The following DGKI variants were observed in gnomAD, a reference collection of about 807,000 sequenced individuals.
The protein encoded by DGKI is DAG kinase iota.
A neutral mutation model predicts 147.5 loss-of-function variants in DGKI; 55 were observed. That is an observed-to-expected ratio of 0.37 (90% CI 0.30 to 0.47). DGKI has a LOEUF of 0.47. Among genes scored for constraint, DGKI ranks in the 20% least tolerant of loss-of-function variants. The pLI, the probability that DGKI is intolerant of heterozygous loss-of-function variation, is 1.00. For synonymous variants in DGKI, 469 were observed against 477.1 expected, an observed-to-expected ratio of 0.98 and a Z score of 0.22; for missense variants, 1,007 against 1,323.8, an observed-to-expected ratio of 0.76 and a Z score of 3.71.
chr7:137,570,575 G>A (rs139512028), intron 19 of DGKI, among the ~76,000 whole-genome samples: 4 of 151,540 alleles, frequency 2.6e-5, no homozygotes, highest in African/African-American at 9.7e-5. Context: ...GCCAATGCTG[G>A]GATGTTTCTA....
intron 1 of DGKI, among the ~76,000 whole-genome samples, chr7:137,726,165 T>A (rs1411981618): frequency 6.6e-6 from 1 of 152,138 alleles, no homozygotes; most frequent in Non-Finnish European, 1.5e-5. Context: ...GGTCCTTTTC[T>A]CACTTCAGTT....
chr7:137,569,835 AT>A (rs1447573693), intron 19 of DGKI, among the ~76,000 whole-genome samples: 1 of 144,708 alleles, frequency 6.9e-6, no homozygotes, highest in Non-Finnish European at 1.5e-5. Context: ...TTGTATCTTC[AT>A]TTGCAATAAA....
chr7:137,729,928 T>G (rs1375509067), intron 1 of DGKI, among the ~76,000 whole-genome samples: 1 of 152,162 alleles, frequency 6.6e-6, no homozygotes, highest in African/African-American at 2.4e-5. Context: ...TCAAACGTAG[T>G]GGTTTCTACC....
Position 137,424,461 on chromosome 7 carries a change from G to A in DGKI, c.2762-12254C>T, listed in dbSNP as rs112132184. On this transcript the variant is annotated intron_variant, in intron 28 of 32. Transcript: ENST00000614521. ...GTCTACAGCTCCCAGCGTGAGTGAC[G>A]CAGAAGACGGGTGATTTCTGCATTT... Among the ~76,000 whole-genome samples, 354 of 152,282 alleles carry A rather than the reference G, an allele frequency of 2.3e-3. 1 individual carries two copies. The highest frequency in any genetic ancestry group is 3.9e-3 in the African/African-American group (163 of 41,568).
At chr7:137,594,903 G>T (rs564857326) in intron 12 of DGKI, among the ~76,000 whole-genome samples, 1 of 152,264 alleles carries the variant, frequency 6.6e-6, no homozygotes, top group East Asian at 1.9e-4. Context: ...GCAAAGTTTT[G>T]ATTCTAAGTA....
intron 23 of DGKI, among the ~76,000 whole-genome samples, chr7:137,475,013 C>A: frequency 6.6e-6 from 1 of 152,144 alleles, no homozygotes; most frequent in East Asian, 1.9e-4. Flanking sequence ...TGTTTATGTG[C>A]AGATATAATT....
At chr7:137,703,614 T>C (rs1793894188) in intron 1 of DGKI, among the ~76,000 whole-genome samples, 1 of 152,152 alleles carries the variant, frequency 6.6e-6, no homozygotes, top group South Asian at 2.1e-4. Context: ...TGTCCAATAA[T>C]TAGATCATTA....
chr7:137,724,009 A>C (rs907643727), intron 1 of DGKI, among the ~76,000 whole-genome samples: 1 of 152,078 alleles, frequency 6.6e-6, no homozygotes, highest in Non-Finnish European at 1.5e-5. Context: ...CACCTGGCCC[A>C]TGATTTCCTT....
At chr7:137,648,186 G>A (rs955696024) in intron 5 of DGKI, among the ~76,000 whole-genome samples, 11 of 152,172 alleles carry the variant, frequency 7.2e-5, no homozygotes, top group Non-Finnish European at 1.6e-4. Context: ...AGCAGAAGCC[G>A]AGGGAAAAGG....
At chr7:137,411,911 T>A (rs867427090) in intron 29 of DGKI, among the ~76,000 whole-genome samples, 1 of 152,188 alleles carries the variant, frequency 6.6e-6, no homozygotes, top group Non-Finnish European at 1.5e-5. Context: ...TCTTCAAATG[T>A]CAGCTTCTAG....
chr7:137,613,780 G>A (rs531503942), intron 8 of DGKI, among the ~76,000 whole-genome samples: 1 of 152,224 alleles, frequency 6.6e-6, no homozygotes, highest in South Asian at 2.1e-4. Context: ...AATGAGTTAA[G>A]TCTACATATA....
intron 2 of DGKI, among the ~76,000 whole-genome samples, chr7:137,681,652 C>A (rs1823239343): frequency 6.6e-6 from 1 of 152,214 alleles, no homozygotes; most frequent in Non-Finnish European, 1.5e-5. Flanking sequence ...GAACTAGATG[C>A]ATAATAACAG....
chr7:137,786,207 G>C (rs757699679), intron 1 of DGKI, among the ~76,000 whole-genome samples: 10 of 152,012 alleles, frequency 6.6e-5, no homozygotes, highest in South Asian at 2.1e-4. Flanking sequence ...TGATATCATT[G>C]TATACCTAGA....
At chr7:137,675,925 C>A (rs1029695330) in intron 3 of DGKI, among the ~76,000 whole-genome samples, 1 of 152,158 alleles carries the variant, frequency 6.6e-6, no homozygotes, top group Non-Finnish European at 1.5e-5. Context: ...TGGAAGACAT[C>A]TCTCTGCCTT....
Position 137,567,338 on chromosome 7 carries a change from A to G in DGKI, c.1947+3837T>C, listed in dbSNP as rs759707335. ...TGTTTCCTACATCCAGACATTGACC[A>G]TCAATATCTGCCAACATTAAAAAAG... On this transcript the variant is annotated intron_variant, in intron 19 of 32. Coordinates refer to ENST00000614521, the MANE Select transcript of DGKI (RefSeq NM_001321708.2). Among the ~76,000 whole-genome samples, 86 of 152,254 alleles carry G rather than the reference A, an allele frequency of 5.6e-4. 1 individual carries two copies. In the Middle Eastern group the frequency reaches 0.01, roughly 18 times the overall value.
At chr7:137,605,948 TAGA>T (rs1409403695) in intron 10 of DGKI, among the ~76,000 whole-genome samples, 14 of 152,170 alleles carry the variant, frequency 9.2e-5, no homozygotes, top group Non-Finnish European at 1.8e-4. Context: ...TCAAAATAGC[TAGA>T]AGATTTGACA....
chr7:137,512,458 C>G (rs974305352), intron 21 of DGKI, among the ~76,000 whole-genome samples: 1 of 152,156 alleles, frequency 6.6e-6, no homozygotes, highest in Admixed American at 6.5e-5. Flanking sequence ...AGAAGAAAGT[C>G]TTCAAAGGGA....
Position 137,469,608 on chromosome 7 carries a change from G to C in DGKI, c.2385C>G (p.Thr795=), listed in dbSNP as rs755901961. The change falls in exon 24 of 33, where the codon ACC becomes ACG. Residue 795 remains threonine (T), a synonymous_variant. Coordinates refer to ENST00000614521, the MANE Select transcript of DGKI (RefSeq NM_001321708.2). ...SQRVHYQDHE[T]SFPRALSAQR... is the part of the protein sequence containing the mutation. ...GTGCTGAGAGAGCCCTGGGGAAGGA[G>C]GTTTCATGGTCCTGGAAAGAGACAC... 6.2e-7 allele frequency: 1 copy of C among 1,613,934 alleles called. No homozygotes were observed. Among genetic ancestry groups the C allele is most frequent in the Non-Finnish European group, 8.5e-7 (1 of 1,179,946 alleles).
chr7:137,700,298 C>T (rs999318827), intron 1 of DGKI, among the ~76,000 whole-genome samples: 10 of 152,238 alleles, frequency 6.6e-5, no homozygotes, highest in African/African-American at 2.4e-4. Flanking sequence ...TACCTGATCT[C>T]AAGACCTGCA....
Sources: allele counts gnomAD v4.1 joint callset (sites outside exome capture counted in the v4.1 genomes callset), GRCh38; gene constraint gnomAD v4.1.1; transcripts MANE v1.5; gene names NCBI Gene and HGNC (gene_info 2026-07-23, HGNC 2026-07-21).